Variants in MAML3 observed in about 807,000 individuals in gnomAD.
MAML3 encodes mastermind-like protein 3.
Under a neutral mutation model 101.9 loss-of-function variants are expected in MAML3, and 27 were observed. The ratio of observed to expected loss-of-function variants is 0.27; its 90% CI spans 0.20 to 0.37. The LOEUF is 0.37. Among genes scored for constraint, MAML3 ranks in the 10% least tolerant of loss-of-function variants. The pLI, the probability that MAML3 is intolerant of heterozygous loss-of-function variation, is 1.00. For synonymous variants in MAML3, 501 were observed against 555.9 expected (o/e 0.90, Z 1.39); for missense variants, 1,316 against 1,444.9 (o/e 0.91, Z 1.45).
At chr4:140,030,636 C>T (rs1405211544) in intron 1 of MAML3, among the ~76,000 whole-genome samples, 2 of 152,122 alleles carry the variant, frequency 1.3e-5, no homozygotes, top group Non-Finnish European at 2.9e-5. Context: ...CACTTCTTTC[C>T]CTTCAACTCC....
chr4:139,729,626 TG>T (rs1728621599), intron 3 of MAML3, among the ~76,000 whole-genome samples: 1 of 152,140 alleles, frequency 6.6e-6, no homozygotes. Context: ...AGAAGCCGCC[TG>T]GGGATCTCTT....
At chr4:139,895,900 C>T (rs1162270952) in intron 1 of MAML3, among the ~76,000 whole-genome samples, 2 of 152,160 alleles carry the variant, frequency 1.3e-5, no homozygotes, top group East Asian at 3.8e-4. Context: ...CCACTGCATG[C>T]CCCTTTAACC....
At chr4:140,041,053 T>TA (rs955073245) in intron 1 of MAML3, among the ~76,000 whole-genome samples, 5 of 152,266 alleles carry the variant, frequency 3.3e-5, no homozygotes, top group African/African-American at 1.2e-4. Flanking sequence ...TGAACATTTT[T>TA]AAAATGCTTA....
intron 2 of MAML3, among the ~76,000 whole-genome samples, chr4:139,839,002 A>G (rs1731310947): frequency 6.6e-6 from 1 of 152,184 alleles, no homozygotes; most frequent in Non-Finnish European, 1.5e-5. Context: ...TTTACCCTAA[A>G]AAATTCAGGT....
At chr4:139,913,738 G>T (rs1193420312) in intron 1 of MAML3, among the ~76,000 whole-genome samples, 3 of 152,176 alleles carry the variant, frequency 2.0e-5, no homozygotes, top group Non-Finnish European at 4.4e-5. Context: ...ACTACGGCGG[G>T]CGCCCCTTGG....
chr4:140,032,508 C>T (rs113598562), intron 1 of MAML3, among the ~76,000 whole-genome samples: 2,886 of 152,228 alleles, frequency 0.019, 92 homozygotes, highest in African/African-American at 0.061. Flanking sequence ...CATTCAGTTC[C>T]TCATCAAGTC....
chr4:140,072,935 G>T (rs1727689421), intron 1 of MAML3, among the ~76,000 whole-genome samples: 1 of 152,114 alleles, frequency 6.6e-6, no homozygotes, highest in Admixed American at 6.5e-5. Flanking sequence ...GAAACAGGGG[G>T]TCCTATGTGT....
chr4:139,927,953 T>C (rs1733298687), intron 1 of MAML3, among the ~76,000 whole-genome samples: 1 of 152,218 alleles, frequency 6.6e-6, no homozygotes, highest in Non-Finnish European at 1.5e-5. Context: ...AGTGAGCTTA[T>C]TGCTACTGGG....
intron 1 of MAML3, chr4:140,134,168 A>G (rs560680091): frequency 2.2e-6 from 1 of 456,706 alleles, no homozygotes; most frequent in Non-Finnish European, 4.4e-6. Context: ...TCTTGCTTCC[A>G]TTTCTTAAAG....
chr4:139,858,634 T>G (rs1181248310), intron 2 of MAML3, among the ~76,000 whole-genome samples: 1 of 152,148 alleles, frequency 6.6e-6, no homozygotes, highest in African/African-American at 2.4e-5. Context: ...GAGTCCTGTG[T>G]TCTGAAGCAC....
chr4:140,108,025 T>C (rs1359073787), intron 1 of MAML3, among the ~76,000 whole-genome samples: 1 of 151,948 alleles, frequency 6.6e-6, no homozygotes, highest in African/African-American at 2.4e-5. Flanking sequence ...ACCACAACCA[T>C]CATCTTTGAA....
At chr4:140,142,956 A>C (rs1324361284) in intron 1 of MAML3, among the ~76,000 whole-genome samples, 1 of 152,170 alleles carries the variant, frequency 6.6e-6, no homozygotes, top group Non-Finnish European at 1.5e-5. Flanking sequence ...ACTATACCAT[A>C]CCTTAATCTT....
At chr4:139,732,960 A>C (rs1306266754) in intron 2 of MAML3, among the ~76,000 whole-genome samples, 1 of 152,228 alleles carries the variant, frequency 6.6e-6, no homozygotes, top group African/African-American at 2.4e-5. Flanking sequence ...ATCTTACACT[A>C]AAAAATGCCA....
chr4:140,031,706 T>C (rs1726911324), intron 1 of MAML3, among the ~76,000 whole-genome samples: 1 of 152,200 alleles, frequency 6.6e-6, no homozygotes, highest in African/African-American at 2.4e-5. Context: ...CATTTTAAAC[T>C]TTCATAGGGT....
chr4:140,048,598 T>C (rs1727219788), intron 1 of MAML3, among the ~76,000 whole-genome samples: 1 of 152,190 alleles, frequency 6.6e-6, no homozygotes, highest in Non-Finnish European at 1.5e-5. Flanking sequence ...GGGTCTGATG[T>C]TGCCAAAAAT....
chr4:139,980,171 AG>A (rs1734419689), intron 1 of MAML3, among the ~76,000 whole-genome samples: 1 of 152,162 alleles, frequency 6.6e-6, no homozygotes, highest in South Asian at 2.1e-4. Flanking sequence ...TCTTTATCTT[AG>A]GGCTTGAGGC....
chr4:140,025,592 A>G (rs980056158), intron 1 of MAML3, among the ~76,000 whole-genome samples: 8 of 152,206 alleles, frequency 5.3e-5, no homozygotes, highest in Admixed American at 1.3e-4. Context: ...GACTGAGGCC[A>G]GGAAAAAGAA....
chr4:139,977,880 CAAAAAACAAAAAACAAAA>C (rs1734374210), intron 1 of MAML3, among the ~76,000 whole-genome samples: 1 of 144,084 alleles, frequency 6.9e-6, no homozygotes, highest in Admixed American at 6.8e-5. Context: ...AACAAAAAAA[CAAAAAACAAAAAACAAAA>C]AAAAAACAAA....
Position 139,771,305 on chromosome 4 carries a change from G to T in MAML3, c.2080-40638C>A, listed in dbSNP as rs367833624. 3.3e-5 allele frequency among the ~76,000 whole-genome samples: 5 copies of T among 152,346 alleles called. No individual in the cohort carries two copies. The East Asian group carries it at 5.8e-4, about 18-fold the overall frequency. ...GAACTTTCCTAAGACTGAGCCTCAT[G>T]TTATGGGCTGATCATCCTGTATATC... On this transcript the variant is annotated intron_variant, in intron 2 of 4. Coordinates refer to ENST00000509479, the MANE Select transcript of MAML3 (RefSeq NM_018717.5).
Sources: gnomAD v4.1 joint callset for allele counts (sites outside exome capture counted in the v4.1 genomes callset) on GRCh38, gnomAD v4.1.1 for gene constraint, MANE v1.5 for transcripts, NCBI Gene and HGNC (gene_info 2026-07-23, HGNC 2026-07-21) for gene names.